The following PPP6R3 variants were observed in gnomAD, a reference collection of about 807,000 sequenced individuals.
PPP6R3 encodes serine/threonine-protein phosphatase 6 regulatory subunit 3.
Under a neutral mutation model 110.7 loss-of-function variants are expected in PPP6R3, and 38 were observed. That is an observed-to-expected ratio of 0.34 (90% confidence interval 0.26 to 0.45). The LOEUF (loss-of-function observed/expected upper bound fraction) is 0.45. PPP6R3 is among the 20% of genes least tolerant of loss of function. The pLI, the probability that PPP6R3 is intolerant of heterozygous loss-of-function variation, is 1.00. For missense variants in PPP6R3, 870 were observed against 1,062.4 expected, an observed-to-expected ratio of 0.82 and a Z score of 2.52; for synonymous variants, 369 against 373.5, an observed-to-expected ratio of 0.99 and a Z score of 0.14.
Position 68,603,477 on chromosome 11 carries a change from C to G in PPP6R3, c.2435C>G (p.Thr812Ser). Residue 812 changes from threonine to serine, a missense_variant, in exon 22 of 24, where the codon ACT becomes AGT. Physicochemically the swap from Thr to Ser is moderately conservative, Grantham distance 58. Coordinates refer to ENST00000393800, the MANE Select transcript of PPP6R3 (RefSeq NM_001164161.2). ...CTCACTGTAGATGCCAAGACAGAGACTGCGGTCTTCAAAAGGTAACCAGGG... is the reference window on the plus strand; with the variant it reads ...CTCACTGTAGATGCCAAGACAGAGAGTGCGGTCTTCAAAAGGTAACCAGGG... ...LSLTVDAKTE[T>S]AVFKSEEGKL... The G allele has an allele frequency of 6.2e-7, 1 of 1,614,136 alleles. No individual in the cohort carries two copies. Among genetic ancestry groups the G allele is most frequent in the Middle Eastern group, 1.6e-4 (1 of 6,062 alleles).
At chr11:68,574,012 G>T in intron 12 of PPP6R3, 97 bp from the exon 13 acceptor site, 1 of 842,458 alleles carries the variant, frequency 1.2e-6, no homozygotes, top group Non-Finnish European at 2.0e-6. Context: ...TGCCTTCAGG[G>T]TTTAAAATGA....
chr11:68,528,431 TGTGG>T (rs780789955), intron 2 of PPP6R3, among the ~76,000 whole-genome samples: 4 of 36,058 alleles, frequency 1.1e-4, no homozygotes, highest in South Asian at 1.8e-3. Context: ...AATTTGTGTG[TGTGG>T]GGGGGGGGGC....
At chr11:68,464,330 C>T (rs540662607) in intron 1 of PPP6R3, among the ~76,000 whole-genome samples, 1 of 152,144 alleles carries the variant, frequency 6.6e-6, no homozygotes, top group African/African-American at 2.4e-5. Context: ...TGGAGTTTCA[C>T]ATCTTGGCCA....
rs934647178 is a variant in PPP6R3, at chr11:68,520,496, A to G, written c.-7+845A>G. On this transcript the variant is annotated intron_variant, in intron 2 of 23. Transcript: ENST00000393800. The stretch of plus-strand genomic sequence containing the variant: ...TTGCTGTGAGGGGTCTCTGCTTCTA[A>G]CTGGCAGGTGGATGTTTCCTAGGCA... Among the ~76,000 whole-genome samples the G allele has an allele frequency of 1.8e-4, 27 of 152,156 alleles. 1 individual carries two copies. The highest frequency in any genetic ancestry group is 4.4e-5 in the Non-Finnish European group (3 of 68,016).
chr11:68,601,825 C>A, intron 20 of PPP6R3, 38 bp from the exon 21 acceptor site: 1 of 1,531,550 alleles, frequency 6.5e-7, no homozygotes, highest in South Asian at 1.2e-5. Flanking sequence ...GAGGACCATT[C>A]CCTGCTGCTA....
intron 4 of PPP6R3, among the ~76,000 whole-genome samples, chr11:68,545,950 A>G (rs771600414): frequency 2.0e-5 from 3 of 152,242 alleles, no homozygotes; most frequent in Non-Finnish European, 4.4e-5. Flanking sequence ...AAAGTGGTCA[A>G]ACCAGTTGGT....
At chr11:68,498,387 T>C (rs2099030515) in intron 1 of PPP6R3, among the ~76,000 whole-genome samples, 1 of 152,186 alleles carries the variant, frequency 6.6e-6, no homozygotes, top group Non-Finnish European at 1.5e-5. Flanking sequence ...TCTATATTAT[T>C]ACTATTTAAA....
At chr11:68,596,310 G>C in intron 19 of PPP6R3, 92 bp downstream of exon 19, 1 of 1,532,958 alleles carries the variant, frequency 6.5e-7, no homozygotes, top group South Asian at 1.2e-5. Context: ...CATCTGAGAT[G>C]ATATCTGAAG....
At position 68,614,636 on chromosome 11, in the gene PPP6R3, G is replaced by A. The variant is rs1944866113; in HGVS notation, c.*1519G>A. 2 of 1,517,494 alleles carry A rather than the reference G, an allele frequency of 1.3e-6. No homozygotes were observed. The highest frequency in any genetic ancestry group is 2.5e-5 in the East Asian group (1 of 40,794). 94.0% of individuals were successfully genotyped at this position (1,517,494 alleles called of 1,614,324 possible). On this transcript the variant is annotated 3_prime_UTR_variant, in exon 24 of 24. Coordinates refer to ENST00000393800, the MANE Select transcript of PPP6R3 (RefSeq NM_001164161.2). ...GATTTCCTTTTTCATTTTAAGTGGT[G>A]TGGAGATTCCAGCACTCCCAGGACA...
intron 1 of PPP6R3, among the ~76,000 whole-genome samples, chr11:68,515,933 T>C (rs555034710): frequency 6.6e-6 from 1 of 152,322 alleles, no homozygotes; most frequent in South Asian, 2.1e-4. Context: ...TCTTAGCCTT[T>C]TTAAGTGTAC....
At chr11:68,540,316 C>G (rs758075650) in intron 3 of PPP6R3, among the ~76,000 whole-genome samples, 38 of 152,126 alleles carry the variant, frequency 2.5e-4, no homozygotes, top group Admixed American at 6.5e-4. Context: ...GGGGAGACAT[C>G]ACATGTCAGT....
chr11:68,566,926 G>A, intron 9 of PPP6R3, 88 bp from the exon 10 acceptor site: 1 of 1,150,080 alleles, frequency 8.7e-7, no homozygotes, highest in Non-Finnish European at 1.2e-6. Flanking sequence ...GTTGTTTGCA[G>A]GGTTTAAACT....
At chr11:68,607,467 C>T (rs957926334) in intron 22 of PPP6R3, among the ~76,000 whole-genome samples, 1 of 152,136 alleles carries the variant, frequency 6.6e-6, no homozygotes, top group African/African-American at 2.4e-5. Flanking sequence ...ATGTGCAGTG[C>T]TTTCTGTGGA....
chr11:68,610,396 G>A (rs992624142), intron 23 of PPP6R3, among the ~76,000 whole-genome samples: 2 of 152,170 alleles, frequency 1.3e-5, no homozygotes, highest in Non-Finnish European at 2.9e-5. Context: ...AAGTCATCCA[G>A]CCGCCAGGCA....
intron 2 of PPP6R3, among the ~76,000 whole-genome samples, chr11:68,534,009 A>T (rs1330570571): frequency 6.6e-6 from 1 of 152,160 alleles, no homozygotes; most frequent in Non-Finnish European, 1.5e-5. Context: ...TGGTTCTGCC[A>T]TCCCTCAGGT....
At chr11:68,510,054 C>CTTTTTTTTTTTTTTTTTTTTT (rs372113258) in intron 1 of PPP6R3, among the ~76,000 whole-genome samples, 2 of 76,962 alleles carry the variant, frequency 2.6e-5, no homozygotes, top group African/African-American at 5.5e-5. Context: ...TGTGCTCGGC[C>CTTTTTTTTTTTTTTTTTTTTT]TTTTTTTTTT....
At position 68,610,016 on chromosome 11, in the gene PPP6R3, G is replaced by C. The variant is rs571184986; in HGVS notation, c.2563G>C (p.Glu855Gln). The C allele has an allele frequency of 3.1e-6, 5 of 1,613,720 alleles. No homozygotes were observed. In the African/African-American group the frequency reaches 5.3e-5, roughly 17 times the overall value. The change falls in exon 23 of 24, where the codon GAG (glutamate) becomes CAG (glutamine). Residue 855 changes from glutamate to glutamine, a missense_variant. Transcript: ENST00000393800. The part of the protein sequence containing the change: ...AAPRPPSSSP[E>Q]QRTGQPSAPG... ...GCCCAGGCCTCCCAGCAGCAGTCCC[G>C]AGCAGAGGTAACCACCCGCCTCCTC... is the stretch of plus-strand genomic sequence containing the variant.
intron 22 of PPP6R3, among the ~76,000 whole-genome samples, chr11:68,608,736 G>C (rs1157129460): frequency 6.6e-6 from 1 of 152,212 alleles, no homozygotes; most frequent in Non-Finnish European, 1.5e-5. Flanking sequence ...GACTTGCTGA[G>C]TTAAGAGGTA....
chr11:68,612,168 T>C (rs1203855845), intron 23 of PPP6R3, among the ~76,000 whole-genome samples: 1 of 152,228 alleles, frequency 6.6e-6, no homozygotes, highest in Non-Finnish European at 1.5e-5. Context: ...AAGTTAGTTA[T>C]ATACCAGTTA....
Sources: allele counts gnomAD v4.1 joint callset (sites outside exome capture counted in the v4.1 genomes callset), GRCh38; gene constraint gnomAD v4.1.1; transcripts MANE v1.5; gene names NCBI Gene and HGNC (gene_info 2026-07-23, HGNC 2026-07-21).